Variants in ZGRF1 observed in about 807,000 individuals in gnomAD.
ZGRF1 encodes zinc finger GRF-type containing 1, also known as 5'-3' DNA helicase ZGRF1.
A neutral mutation model predicts 203.5 loss-of-function variants in ZGRF1; 196 were observed. The observed-to-expected ratio is 0.96, with a 90% CI of 0.86 to 1.08. ZGRF1 has a LOEUF of 1.08. Among genes scored for constraint, ZGRF1 ranks in the 50% least tolerant of loss-of-function variants. ZGRF1 has a pLI of 0.00. For synonymous variants in ZGRF1, 809 were observed against 841.3 expected, an observed-to-expected ratio of 0.96 and a Z score of 0.66; for missense variants, 2,326 against 2,416.3, an observed-to-expected ratio of 0.96 and a Z score of 0.78.
chr4:112,554,595 A>C, intron 21 of ZGRF1, 110 bp downstream of exon 21: 1 of 620,642 alleles, frequency 1.6e-6, no homozygotes, highest in East Asian at 2.9e-5. Flanking sequence ...TAACCAAGTA[A>C]AGATAAGCCT....
chr4:112,633,942 G>A (rs530649437), intron 1 of ZGRF1, among the ~76,000 whole-genome samples: 1 of 152,222 alleles, frequency 6.6e-6, no homozygotes, highest in South Asian at 2.1e-4. Flanking sequence ...GAAAGTCTGG[G>A]GTTGGGGGCC....
rs575464722 is a variant in ZGRF1, at chr4:112,618,971, A to T, written c.1071T>A (p.Asp357Glu). 7.4e-6 allele frequency: 12 copies of T among 1,613,780 alleles called. No homozygotes were observed. Among genetic ancestry groups the T allele is most frequent in the Non-Finnish European group, 1.0e-5 (12 of 1,179,868 alleles). Reference protein sequence around the residue: ...DTERKPKAQEDDVNSNLKDLS... With the variant: ...DTERKPKAQEEDVNSNLKDLS... ...GGTCTTTCAAATTAGAATTTACATCATCTTCCTGGGCCTTGGGTTTCCTTT... is the reference window on the plus strand; with the variant it reads ...GGTCTTTCAAATTAGAATTTACATCTTCTTCCTGGGCCTTGGGTTTCCTTT... Residue 357 changes from aspartate (D) to glutamate (E), a missense_variant, in exon 6 of 28, where the codon GAT (aspartate) becomes GAA (glutamate). Coordinates refer to ENST00000505019, the MANE Select transcript of ZGRF1 (RefSeq NM_018392.5).
rs775317125 is a variant in ZGRF1, at chr4:112,617,655, G to C, written c.2387C>G (p.Pro796Arg). 2 of 1,613,860 alleles carry C rather than the reference G, an allele frequency of 1.2e-6. No individual in the cohort carries two copies. Among genetic ancestry groups the C allele is most frequent in the Non-Finnish European group, 1.7e-6 (2 of 1,179,924 alleles). The change falls in exon 6 of 28, where the codon CCT becomes CGT. Residue 796 changes from proline to arginine, a missense_variant. By Grantham distance (103) the Pro-to-Arg change is moderately radical (BLOSUM62 -2). Transcript: ENST00000505019. ...GGCAGTTTCAACCTCAACATGGTCA[G>C]GGGGTGGACTTCTAATCTTTCCCAA... ...EDLGKIRSPP[P>R]DHVEVETARE...
intron 23 of ZGRF1, 50 bp from the exon 24 acceptor site, chr4:112,547,458 A>G: frequency 6.4e-7 from 1 of 1,550,692 alleles, no homozygotes; most frequent in Non-Finnish European, 8.7e-7. Context: ...TGGGTGCATT[A>G]ACATCATTTA....
In ZGRF1 at chr4:112,583,962, G is replaced by A. The variant is rs775988605; in HGVS notation, c.4298+16C>T. 23 of 1,527,194 alleles carry A rather than the reference G, an allele frequency of 1.5e-5. No homozygotes were observed. Among genetic ancestry groups the A allele is most frequent in the Non-Finnish European group, 2.0e-5 (23 of 1,124,224 alleles). 94.6% of individuals were successfully genotyped at this position (1,527,194 alleles called of 1,614,324 possible). A position where few individuals can be genotyped will look rare whatever the true frequency, so the allele number is the denominator to read the frequency against. On this transcript the variant is annotated intron_variant, in intron 15 of 27. Transcript: ENST00000505019. The stretch of plus-strand genomic sequence containing the variant: ...TTATATAATCACAGGCAATTATTTG[G>A]TACTATAAAACATACCTCACCAAAA...
Position 112,558,256 on chromosome 4 carries a change from C to T in ZGRF1, c.5014G>A (p.Val1672Ile). 6.3e-7 allele frequency: 1 copy of T among 1,595,874 alleles called. No individual in the cohort carries two copies. The highest frequency in any genetic ancestry group is 8.5e-7 in the Non-Finnish European group (1 of 1,173,010). ...YLLAVVILFFVQLFEKSEAPT... is the reference protein window; with the variant it reads ...YLLAVVILFFIQLFEKSEAPT... Reference sequence around the variant, plus strand: ...GCTTCACTCTTTTCAAACAGCTGTACAAAGAACAAAATCACCACTGCCAGC... The same window carrying T: ...GCTTCACTCTTTTCAAACAGCTGTATAAAGAACAAAATCACCACTGCCAGC... The change falls in exon 20 of 28, where the codon GTA becomes ATA. Residue 1672 changes from valine to isoleucine, a missense_variant. By Grantham distance (29) the Val-to-Ile change is conservative (BLOSUM62 3). Coordinates refer to ENST00000505019, the MANE Select transcript of ZGRF1 (RefSeq NM_018392.5).
Position 112,539,504 on chromosome 4 carries a change from A to G in ZGRF1, c.*43T>C. On this transcript the variant is annotated 3_prime_UTR_variant, in exon 28 of 28. Transcript: ENST00000505019. ...TATAAAAAATATATCATGTAAAATG[A>G]GTCTGAATTTACATAAATACAAAAT... 2.1e-6 allele frequency: 2 copies of G among 956,026 alleles called. No homozygotes were observed. The highest frequency in any genetic ancestry group is 3.1e-6 in the Non-Finnish European group (2 of 637,464). The allele number at this position is 956,026 out of a possible 1,614,324, so 59.2% of individuals were successfully genotyped here. A position where few individuals can be genotyped will look rare whatever the true frequency, so the allele number is the denominator to read the frequency against.
intron 2 of ZGRF1, among the ~76,000 whole-genome samples, chr4:112,632,330 T>C (rs910656528): frequency 7.2e-5 from 11 of 152,014 alleles, no homozygotes; most frequent in African/African-American, 2.4e-4. Context: ...TAAATGAGCA[T>C]TGAAAGTAAT....
chr4:112,597,755 G>A (rs544618990), intron 10 of ZGRF1, among the ~76,000 whole-genome samples: 98 of 151,102 alleles, frequency 6.5e-4, no homozygotes, highest in African/African-American at 1.7e-3. Context: ...GTGGTGGTGC[G>A]TGCCTGTGGC....
chr4:112,575,212 T>C (rs1744925426), intron 16 of ZGRF1, among the ~76,000 whole-genome samples: 1 of 152,210 alleles, frequency 6.6e-6, no homozygotes, highest in East Asian at 1.9e-4. Flanking sequence ...ATCAATATAC[T>C]TACTTATATG....
intron 6 of ZGRF1, among the ~76,000 whole-genome samples, chr4:112,616,365 C>CA (rs70958468): frequency 2.0e-5 from 3 of 149,760 alleles, no homozygotes; most frequent in Admixed American, 6.7e-5. Flanking sequence ...ACTAAAAATA[C>CA]AAAAAAAAAA....
chr4:112,568,636 G>A (rs902437921), intron 16 of ZGRF1, among the ~76,000 whole-genome samples: 9 of 150,766 alleles, frequency 6.0e-5, no homozygotes, highest in Middle Eastern at 3.2e-3. Context: ...GCTTGAACCC[G>A]GGAGGTGGAG....
rs768203375 is a variant in ZGRF1, at chr4:112,586,475, A to T, written c.3886T>A (p.Tyr1296Asn). Residue 1296 changes from tyrosine to asparagine, a missense_variant, in exon 13 of 28, where the codon TAT (tyrosine) becomes AAT (asparagine). Physicochemically the swap from Tyr to Asn is moderately radical, Grantham distance 143 (BLOSUM62 -2). Coordinates refer to ENST00000505019, the MANE Select transcript of ZGRF1 (RefSeq NM_018392.5). Reference sequence around the variant, plus strand: ...AGGCAAGATGTGAAAGTCTGCTTATAATGAGCAGGAGACTGAAAAACAGCT... The same window carrying T: ...AGGCAAGATGTGAAAGTCTGCTTATTATGAGCAGGAGACTGAAAAACAGCT... ...IPAVFQSPAH[Y>N]KQTFTSCLIE... 17 of 1,611,664 alleles carry T rather than the reference A, an allele frequency of 1.1e-5. No individual in the cohort carries two copies. Among genetic ancestry groups the T allele is most frequent in the Non-Finnish European group, 1.4e-5 (16 of 1,178,750 alleles).
Position 112,553,711 on chromosome 4 carries a change from A to C in ZGRF1, c.5346+124T>G, listed in dbSNP as rs1374059704. 7 of 794,694 alleles carry C rather than the reference A, an allele frequency of 8.8e-6. No homozygotes were observed. In the African/African-American group the frequency reaches 1.2e-4, roughly 14 times the overall value. 49.2% of individuals were successfully genotyped at this position (794,694 alleles called of 1,614,324 possible). A position where few individuals can be genotyped will look rare whatever the true frequency, so the allele number is the denominator to read the frequency against. ...CCAAGGATCCACATGCATGCACCTT[A>C]GTAGAATATAAACTATCATAGCAGT... On this transcript the variant is annotated intron_variant, in intron 22 of 27. Coordinates refer to ENST00000505019, the MANE Select transcript of ZGRF1 (RefSeq NM_018392.5).
In ZGRF1 at chr4:112,539,883, C is replaced by G; in HGVS notation, c.6152G>C (p.Arg2051Pro). The change falls in exon 27 of 28, where the codon CGA becomes CCA. Residue 2051 changes from arginine to proline, a missense_variant. Physicochemically the swap from Arg to Pro is moderately radical, Grantham distance 103. Coordinates refer to ENST00000505019, the MANE Select transcript of ZGRF1 (RefSeq NM_018392.5). ...ACLRKNQLWGRVIQHCEGRED... is the reference protein window; with the variant it reads ...ACLRKNQLWGPVIQHCEGRED... ...TTTACCTTCGCAGTGTTGGATCACT[C>G]GTCCCCAAAGTTGATTTTTCCTCAA... 6.2e-7 allele frequency: 1 copy of G among 1,613,788 alleles called. No individual in the cohort carries two copies. The highest frequency in any genetic ancestry group is 1.3e-5 in the African/African-American group (1 of 75,034).
At chr4:112,587,999 T>A (rs1747520929) in intron 11 of ZGRF1, 70 bp from the exon 12 acceptor site, 2 of 1,237,116 alleles carry the variant, frequency 1.6e-6, no homozygotes, top group Non-Finnish European at 2.2e-6. Flanking sequence ...TAGAAAACAG[T>A]GGGTATACAA....
At chr4:112,606,867 T>G (rs1329512814) in intron 8 of ZGRF1, among the ~76,000 whole-genome samples, 1 of 152,190 alleles carries the variant, frequency 6.6e-6, no homozygotes, top group African/African-American at 2.4e-5. Context: ...CAAGTCATTT[T>G]TAGTTCATCA....
At chr4:112,585,904 TA>T (rs34893186) in intron 13 of ZGRF1, among the ~76,000 whole-genome samples, 179 bp from the exon 14 acceptor site, 7,380 of 135,058 alleles carry the variant, frequency 0.055, 395 homozygotes, top group African/African-American at 0.14. Flanking sequence ...CACTTCTAGT[TA>T]AAAAAAAAAA....
chr4:112,617,439 C>A lies in ZGRF1; in HGVS notation c.2602+1G>T, dbSNP rs150137593. 144 of 1,529,410 alleles carry A rather than the reference C, an allele frequency of 9.4e-5. No homozygotes were observed. In the Middle Eastern group the frequency reaches 1.7e-3, roughly 18 times the overall value. 94.7% of individuals were successfully genotyped at this position (1,529,410 alleles called of 1,614,324 possible). A position where few individuals can be genotyped will look rare whatever the true frequency, so the allele number is the denominator to read the frequency against. Reference sequence around the variant, plus strand: ...TTCCAAAATAGACATGCAATTCTAACCTTCAGGAGGGCTATCTGGCTCATA... The same window carrying A: ...TTCCAAAATAGACATGCAATTCTAAACTTCAGGAGGGCTATCTGGCTCATA... On this transcript the variant is annotated splice_donor_variant, in intron 6 of 27. Coordinates refer to ENST00000505019, the MANE Select transcript of ZGRF1 (RefSeq NM_018392.5). LOFTEE classifies it high-confidence loss of function.
Sources: allele counts gnomAD v4.1 joint callset (sites outside exome capture counted in the v4.1 genomes callset), GRCh38; gene constraint gnomAD v4.1.1; transcripts MANE v1.5; gene names NCBI Gene and HGNC (gene_info 2026-07-23, HGNC 2026-07-21).